PDE1A: variants seen among roughly 807,000 people sequenced by gnomAD.
PDE1A encodes dual specificity calcium/calmodulin-dependent 3',5'-cyclic nucleotide phosphodiesterase 1A.
PDE1A carries 35 observed loss-of-function variants against 61.7 expected under a neutral mutation model. That is an observed-to-expected ratio of 0.57 (90% CI 0.43 to 0.75). The LOEUF (loss-of-function observed/expected upper bound fraction) is 0.75. Ranked by LOEUF, PDE1A falls within the 30% of genes least tolerant of loss-of-function variation. PDE1A has a pLI of 0.00. For missense variants in PDE1A, 597 were observed against 630.6 expected (o/e 0.95, Z 0.57); for synonymous variants, 232 against 213.2 (o/e 1.09, Z -0.77).
At chr2:182,620,104 T>G in the PDE1A span, among the ~76,000 whole-genome samples, 485 of 152,270 alleles carry the variant, frequency 3.2e-3, 2 homozygotes, top group Admixed American at 5.5e-3. Flanking sequence ...CATAGTCTAC[T>G]GGGATTTTTG....
chr2:182,515,983 TGTGTGTGTG>T (rs1690117837), intron 2 of PDE1A, among the ~76,000 whole-genome samples: 1 of 147,652 alleles, frequency 6.8e-6, no homozygotes, highest in Non-Finnish European at 1.5e-5. Context: ...TGTGTGTGTG[TGTGTGTGTG>T]TGTGTGTGTG....
chr2:182,240,153 G>T (rs770985972), exon 3 of PDE1A: 1 of 1,613,856 alleles, frequency 6.2e-7, no homozygotes, highest in Non-Finnish European at 8.5e-7. Flanking sequence ...ACAATGCTCC[G>T]AAATTTTGGT....
chr2:182,258,626 A>G (rs1350592252), intron 2 of PDE1A, among the ~76,000 whole-genome samples: 2 of 152,212 alleles, frequency 1.3e-5, no homozygotes, highest in African/African-American at 4.8e-5. Context: ...CATATTCCAG[A>G]CATATTTTAC....
At chr2:182,495,286 T>A (rs1688644542) in intron 2 of PDE1A, among the ~76,000 whole-genome samples, 1 of 152,082 alleles carries the variant, frequency 6.6e-6, no homozygotes, top group African/African-American at 2.4e-5. Context: ...AATCCTGAAA[T>A]CCTCCCTTTC....
At chr2:182,623,651 G>C in the PDE1A span, among the ~76,000 whole-genome samples, 1 of 152,154 alleles carries the variant, frequency 6.6e-6, no homozygotes. Flanking sequence ...TGGAGGGCAG[G>C]TCTTGCATAA....
At chr2:182,251,080 A>G (rs1489027790) in intron 2 of PDE1A, among the ~76,000 whole-genome samples, 1 of 152,180 alleles carries the variant, frequency 6.6e-6, no homozygotes, top group Non-Finnish European at 1.5e-5. Flanking sequence ...CTCTTGGCTC[A>G]AAAACATTTT....
the PDE1A span, among the ~76,000 whole-genome samples, chr2:182,591,688 T>C: frequency 2.0e-5 from 3 of 152,092 alleles, no homozygotes; most frequent in African/African-American, 7.2e-5. Flanking sequence ...AGCTGTGACA[T>C]CCAAAAATGT....
At chr2:182,230,938 C>T in intron 5 of PDE1A, 77 bp downstream of exon 5, 2 of 743,390 alleles carry the variant, frequency 2.7e-6, no homozygotes, top group East Asian at 2.5e-5. Flanking sequence ...TGCTTAATTA[C>T]TCAAATGTTC....
At chr2:182,493,484 A>T (rs888593105) in intron 2 of PDE1A, among the ~76,000 whole-genome samples, 2 of 152,084 alleles carry the variant, frequency 1.3e-5, no homozygotes, top group Non-Finnish European at 2.9e-5. Context: ...TCCTGTATCC[A>T]AGTGTTCTCA....
exon 1 of PDE1A, chr2:182,426,830 A>G: frequency 7.2e-7 from 1 of 1,395,232 alleles, no homozygotes; most frequent in Non-Finnish European, 9.3e-7. Context: ...CACATAAGAC[A>G]GGCACGTTGG....
the PDE1A span, among the ~76,000 whole-genome samples, chr2:182,539,084 C>A: frequency 4.7e-4 from 71 of 152,312 alleles, no homozygotes; most frequent in African/African-American, 1.6e-3. Context: ...CCCACACTCT[C>A]TTTCCCACTG....
chr2:182,232,518 C>T (rs952382547), intron 4 of PDE1A, among the ~76,000 whole-genome samples: 3 of 152,130 alleles, frequency 2.0e-5, no homozygotes, highest in Non-Finnish European at 4.4e-5. Context: ...AAAATACTTC[C>T]TTCAAAAAAT....
At chr2:182,391,219 C>T (rs565075365) in intron 1 of PDE1A, among the ~76,000 whole-genome samples, 7 of 152,098 alleles carry the variant, frequency 4.6e-5, no homozygotes, top group East Asian at 1.9e-4. Flanking sequence ...GGCCCATATC[C>T]GCATTTAACG....
intron 1 of PDE1A, among the ~76,000 whole-genome samples, chr2:182,280,177 T>G (rs1301452114): frequency 6.6e-6 from 1 of 151,952 alleles, no homozygotes; most frequent in East Asian, 1.9e-4. Context: ...TACTGCATTT[T>G]TTACTAACAT....
At chr2:182,328,716 G>T (rs1170744748) in intron 1 of PDE1A, among the ~76,000 whole-genome samples, 1 of 152,104 alleles carries the variant, frequency 6.6e-6, no homozygotes, top group Non-Finnish European at 1.5e-5. Context: ...CTAGAATGAG[G>T]AGATCAAGGA....
chr2:182,673,198 C>T, the PDE1A span, among the ~76,000 whole-genome samples: 1 of 152,158 alleles, frequency 6.6e-6, no homozygotes. Flanking sequence ...ACTATGGTGA[C>T]TTCTATAATT....
the PDE1A span, among the ~76,000 whole-genome samples, chr2:182,673,174 T>C: frequency 6.6e-6 from 1 of 152,220 alleles, no homozygotes; most frequent in Non-Finnish European, 1.5e-5. Flanking sequence ...TTTAAACATA[T>C]CATTGCCTAA....
intron 1 of PDE1A, among the ~76,000 whole-genome samples, chr2:182,373,467 G>A (rs1700228445): frequency 6.6e-6 from 1 of 152,180 alleles, no homozygotes; most frequent in South Asian, 2.1e-4. Context: ...TAATCATTAA[G>A]TGATTTGGTC....
At chr2:182,604,609 G>T in the PDE1A span, among the ~76,000 whole-genome samples, 1 of 152,132 alleles carries the variant, frequency 6.6e-6, no homozygotes, top group Admixed American at 6.5e-5. Context: ...AGAAATCAAA[G>T]TTTTTAAAAG....
Sources: allele counts gnomAD v4.1 joint callset (sites outside exome capture counted in the v4.1 genomes callset), GRCh38; gene constraint gnomAD v4.1.1; transcripts MANE v1.5; gene names NCBI Gene and HGNC (gene_info 2026-07-23, HGNC 2026-07-21).